ARID1B: variants seen among roughly 807,000 people sequenced by gnomAD.
ARID1B encodes AT-rich interaction domain 1B, also known as AT-rich interactive domain-containing protein 1B.
Under a neutral mutation model 212.3 loss-of-function variants are expected in ARID1B, and 30 were observed. That is an observed-to-expected ratio of 0.14 (90% confidence interval 0.11 to 0.19). The LOEUF (loss-of-function observed/expected upper bound fraction) is 0.19. Among genes scored for constraint, ARID1B ranks in the 10% least tolerant of loss-of-function variants. The pLI is 1.00. For missense variants in ARID1B, 2,891 were observed against 3,204.0 expected, an observed-to-expected ratio of 0.90 and a Z score of 2.36; for synonymous variants, 1,402 against 1,301.7, an observed-to-expected ratio of 1.08 and a Z score of -1.66.
rs1034657061 is a variant in ARID1B, at chr6:157,190,291, C to T, written c.4231+81C>T. 1.9e-5 allele frequency: 27 copies of T among 1,450,642 alleles called. No individual in the cohort carries two copies. Among genetic ancestry groups the T allele is most frequent in the Non-Finnish European group, 2.0e-5 (22 of 1,085,990 alleles). 89.9% of individuals were successfully genotyped at this position (1,450,642 alleles called of 1,614,324 possible). On this transcript the variant is annotated intron_variant, in intron 15 of 19. Coordinates refer to ENST00000636930, the MANE Select transcript of ARID1B (RefSeq NM_001374828.1). The surrounding 1 kb of genome is among the most constrained non-coding windows in gnomAD (Gnocchi z 4.6). ...CCGTTCCACAACAGTTCACCTTTCA[C>T]TCAGAACACCTCTGAGCCCATGCTG... is the stretch of plus-strand genomic sequence containing the variant.
At chr6:157,107,227 C>A (rs1385524589) in intron 5 of ARID1B, among the ~76,000 whole-genome samples, 2 of 152,098 alleles carry the variant, frequency 1.3e-5, no homozygotes, top group Non-Finnish European at 2.9e-5. Context: ...AAAGTACCTA[C>A]CAGCTGGAGG....
At chr6:157,006,865 G>A (rs570216964) in intron 4 of ARID1B, among the ~76,000 whole-genome samples, 1 of 152,144 alleles carries the variant, frequency 6.6e-6, no homozygotes, top group South Asian at 2.1e-4. Flanking sequence ...TTTTTCACGT[G>A]GAAGTAATCC....
intron 2 of ARID1B, among the ~76,000 whole-genome samples, chr6:156,850,396 C>T (rs961311409): frequency 1.3e-5 from 2 of 151,972 alleles, no homozygotes; most frequent in East Asian, 1.9e-4. Context: ...TTTTTGAGGA[C>T]CTATTTCTAA....
chr6:156,991,335 A>T (rs765736270), intron 4 of ARID1B, among the ~76,000 whole-genome samples: 5 of 152,144 alleles, frequency 3.3e-5, no homozygotes, highest in Non-Finnish European at 7.4e-5. Flanking sequence ...GGTTCAAGTG[A>T]TTCTCTTGCC....
At chr6:157,024,328 G>A (rs1190543344) in intron 4 of ARID1B, 12 of 152,186 alleles carry the variant, frequency 7.9e-5, no homozygotes, top group Admixed American at 7.9e-4. Context: ...TTTTATGTTT[G>A]GTTGTAAATT....
intron 4 of ARID1B, among the ~76,000 whole-genome samples, chr6:156,945,099 A>ATT (rs199862964): frequency 0.012 from 1,244 of 104,586 alleles, 27 homozygotes; most frequent in Non-Finnish European, 0.018. Flanking sequence ...ATTTTTTTGT[A>ATT]TATTTTTTTT....
intron 4 of ARID1B, among the ~76,000 whole-genome samples, chr6:157,043,688 A>G (rs568156638): frequency 1.3e-5 from 2 of 152,300 alleles, no homozygotes; most frequent in South Asian, 2.1e-4. Flanking sequence ...GTTCTTCTGT[A>G]TTCTGGGATT....
At chr6:156,939,816 G>A (rs369288954) in intron 4 of ARID1B, 1 of 152,082 alleles carries the variant, frequency 6.6e-6, no homozygotes, top group East Asian at 1.9e-4. Context: ...AAAGCATTCT[G>A]TTCTTAGTAA....
intron 4 of ARID1B, chr6:156,937,180 C>T (rs748594355): frequency 1.3e-5 from 2 of 151,842 alleles, no homozygotes; most frequent in Non-Finnish European, 2.9e-5. Context: ...TAGTTCGCAG[C>T]TTGGTAAGCA....
chr6:157,209,127 TTA>T lies in ARID1B; in HGVS notation c.*1237_*1238del. 4.4e-6 allele frequency: 1 copy of T among 229,336 alleles called. No individual in the cohort carries two copies. Among genetic ancestry groups the T allele is most frequent in the Non-Finnish European group, 8.6e-6 (1 of 115,830 alleles). The allele number at this position is 229,336 out of a possible 1,614,324, so 14.2% of individuals were successfully genotyped here. ...CATTTGTATTTCAAGATAATGTAGT[TTA>T]AAAAAAAAAAAAAGAAAAAAACTTG... On this transcript the variant is annotated 3_prime_UTR_variant, in exon 20 of 20. Coordinates refer to ENST00000636930, the MANE Select transcript of ARID1B (RefSeq NM_001374828.1).
chr6:157,074,212 G>T (rs1784166413), intron 4 of ARID1B, among the ~76,000 whole-genome samples: 1 of 151,994 alleles, frequency 6.6e-6, no homozygotes. Flanking sequence ...TTTTCAGATT[G>T]TTTTTTGTTT....
rs2114998306 is a variant in ARID1B at position 156,779,185 on chromosome 6, T to C, written c.1505T>C (p.Leu502Pro). The C allele has an allele frequency of 1.5e-6, 2 of 1,326,032 alleles. No homozygotes were observed. Among genetic ancestry groups the C allele is most frequent in the Admixed American group, 2.5e-5 (1 of 40,120 alleles). 82.1% of individuals were successfully genotyped at this position (1,326,032 alleles called of 1,614,324 possible). ...NQHPSGATPT[L>P]NQLLTSPSPM... ...CACCCGTCGGGGGCCACCCCGACCC[T>C]CAATCAGCTGCTCACCTCGCCCAGC... Residue 502 changes from leucine to proline, a missense_variant, in exon 1 of 20, where the codon CTC becomes CCC. Physicochemically the swap from Leu to Pro is moderately conservative, Grantham distance 98 (BLOSUM62 -3). This residue lies in a region of ARID1B where 1,643 missense variants were observed against 1,544.0 expected (regional missense o/e 1.06). Transcript: ENST00000636930.
chr6:156,966,524 G>C (rs1460866894), intron 4 of ARID1B, among the ~76,000 whole-genome samples: 1 of 150,120 alleles, frequency 6.7e-6, no homozygotes, highest in East Asian at 2.0e-4. Flanking sequence ...CACCCAAGTA[G>C]GTGGTATTAC....
intron 6 of ARID1B, among the ~76,000 whole-genome samples, chr6:157,128,355 TC>T (rs760954724): frequency 2.2e-4 from 34 of 152,106 alleles, no homozygotes; most frequent in Non-Finnish European, 4.4e-5. Flanking sequence ...TCCTCTTCAA[TC>T]CTTTCTTCAT....
chr6:157,014,007 T>G (rs904592852), intron 4 of ARID1B, among the ~76,000 whole-genome samples: 2 of 152,206 alleles, frequency 1.3e-5, no homozygotes, highest in Admixed American at 1.3e-4. Flanking sequence ...TATTGCTGGG[T>G]GTTTTTTGTT....
At chr6:156,918,132 G>A (rs1365742136) in intron 3 of ARID1B, among the ~76,000 whole-genome samples, 3 of 152,140 alleles carry the variant, frequency 2.0e-5, no homozygotes, top group Admixed American at 2.0e-4. Flanking sequence ...TAAAAACATA[G>A]TGAAATATAT....
chr6:157,147,098 T>C (rs760976423), intron 7 of ARID1B, among the ~76,000 whole-genome samples: 3 of 152,094 alleles, frequency 2.0e-5, no homozygotes, highest in African/African-American at 7.3e-5. Context: ...GCAGCTGTTA[T>C]GATTGAAGTA....
chr6:157,039,638 C>CTTCCTTCT lies in ARID1B; in HGVS notation c.2248-45016_2248-45009dup, dbSNP rs1159379441. On this transcript the variant is annotated intron_variant, in intron 4 of 19. Coordinates refer to ENST00000636930, the MANE Select transcript of ARID1B (RefSeq NM_001374828.1). ...CCTACCTTCCTTCCTTCCTTCCTTC[C>CTTCCTTCT]TTCCTTCTTTCCTTCCTTCCTTCCT... Among the ~76,000 whole-genome samples, 542 of 119,342 alleles carry CTTCCTTCT rather than the reference C, an allele frequency of 4.5e-3. 9 individuals carry two copies. The highest frequency in any genetic ancestry group is 0.011 in the African/African-American group (325 of 29,222). 78.3% of individuals were successfully genotyped at this position (119,342 alleles called of 152,430 possible).
At chr6:157,139,120 G>GA (rs1453832145) in intron 7 of ARID1B, among the ~76,000 whole-genome samples, 1 of 152,004 alleles carries the variant, frequency 6.6e-6, no homozygotes, top group African/African-American at 2.4e-5. Flanking sequence ...AATGAAAAAA[G>GA]AAAAAAATCA....
Sources: allele counts gnomAD v4.1 joint callset (sites outside exome capture counted in the v4.1 genomes callset), GRCh38; gene constraint gnomAD v4.1.1; regional missense constraint gnomAD v4.1.1; non-coding constraint Gnocchi (gnomAD v3.1); transcripts MANE v1.5; gene names NCBI Gene and HGNC (gene_info 2026-07-23, HGNC 2026-07-21).